The following LCORL variants were observed in gnomAD, a reference collection of about 807,000 sequenced individuals.
LCORL encodes ligand dependent nuclear receptor corepressor like, also known as ligand-dependent nuclear receptor corepressor-like protein.
LCORL carries 41 observed loss-of-function variants against 141.8 expected under a neutral mutation model. The ratio of observed to expected loss-of-function variants is 0.29; its 90% CI spans 0.23 to 0.38. The LOEUF (loss-of-function observed/expected upper bound fraction) is 0.38, where lower values mean the gene tolerates loss of function less well. Among genes scored for constraint, LCORL ranks in the 10% least tolerant of loss-of-function variants. The pLI is 1.00. For synonymous variants in LCORL, 618 were observed against 694.1 expected (o/e 0.89, Z 1.72); for missense variants, 1,759 against 2,035.0 (o/e 0.86, Z 2.61).
intron 7 of LCORL, among the ~76,000 whole-genome samples, chr4:17,863,084 G>A (rs1333619786): frequency 6.6e-6 from 1 of 152,196 alleles, no homozygotes; most frequent in Non-Finnish European, 1.5e-5. Context: ...GGGAGGCTGA[G>A]GTGGGTGGAT....
intron 4 of LCORL, among the ~76,000 whole-genome samples, chr4:17,957,961 TAAAAG>T (rs1006383758): frequency 2.6e-5 from 4 of 151,904 alleles, no homozygotes; most frequent in African/African-American, 9.7e-5. Context: ...AAAAGCACTC[TAAAAG>T]ATTAACACTA....
intron 1 of LCORL, among the ~76,000 whole-genome samples, chr4:18,018,314 C>T (rs369354439): frequency 6.6e-5 from 10 of 152,038 alleles, no homozygotes; most frequent in Admixed American, 4.6e-4. Context: ...AATAAGCACT[C>T]GAACATTTGT....
intron 2 of LCORL, among the ~76,000 whole-genome samples, chr4:17,968,617 A>C (rs752611732): frequency 3.3e-5 from 5 of 152,202 alleles, no homozygotes; most frequent in Non-Finnish European, 7.3e-5. Flanking sequence ...CCTTTTCCAT[A>C]AACAGCCAAA....
chr4:17,873,991 T>A, exon 7 of LCORL: 1 of 1,234,178 alleles, frequency 8.1e-7, no homozygotes, highest in African/African-American at 1.5e-5. Context: ...AAGTCACCCC[T>A]GATCTCAGGT....
chr4:17,915,738 G>A (rs1165020356), intron 4 of LCORL, among the ~76,000 whole-genome samples: 1 of 152,150 alleles, frequency 6.6e-6, no homozygotes, highest in Non-Finnish European at 1.5e-5. Flanking sequence ...CCAATGAATT[G>A]GATGATCTAT....
chr4:17,900,529 A>C (rs1250223774), intron 5 of LCORL, among the ~76,000 whole-genome samples: 1 of 152,174 alleles, frequency 6.6e-6, no homozygotes, highest in African/African-American at 2.4e-5. Flanking sequence ...ATAACCTCTC[A>C]GTCACTTTTG....
chr4:17,900,014 G>A (rs1433603912), intron 5 of LCORL, among the ~76,000 whole-genome samples: 1 of 152,042 alleles, frequency 6.6e-6, no homozygotes, highest in Non-Finnish European at 1.5e-5. Flanking sequence ...AAGCATTTCA[G>A]ATAAAGAATA....
chr4:17,948,816 G>A (rs1739281850), intron 4 of LCORL, among the ~76,000 whole-genome samples: 1 of 149,630 alleles, frequency 6.7e-6, no homozygotes, highest in Non-Finnish European at 1.5e-5. Context: ...ATTTTCAGAG[G>A]AGTAAAGAGA....
chr4:17,878,898 A>T (rs1727206326), intron 6 of LCORL, among the ~76,000 whole-genome samples: 1 of 151,310 alleles, frequency 6.6e-6, no homozygotes, highest in South Asian at 2.1e-4. Flanking sequence ...ACTAATATAC[A>T]TCTAACTTTA....
At chr4:17,902,537 G>A (rs957349128) in intron 5 of LCORL, among the ~76,000 whole-genome samples, 2 of 152,084 alleles carry the variant, frequency 1.3e-5, no homozygotes, top group African/African-American at 4.8e-5. Context: ...ACTGTTTAGT[G>A]ATTTCCAAAC....
At chr4:17,881,356 G>A (rs1727550826) in intron 6 of LCORL, 1 of 981,382 alleles carries the variant, frequency 1.0e-6, no homozygotes, top group Non-Finnish European at 1.2e-6. Flanking sequence ...TCACTGGGGA[G>A]AAGGGGAATT....
intron 6 of LCORL, chr4:17,881,051 T>A (rs983544537): frequency 1.0e-6 from 1 of 979,464 alleles, no homozygotes; most frequent in Admixed American, 6.2e-5. Flanking sequence ...TCACTAAAGT[T>A]AGTATACAAT....
intron 1 of LCORL, among the ~76,000 whole-genome samples, chr4:17,983,674 T>C (rs143540889): frequency 5.3e-4 from 80 of 152,284 alleles, no homozygotes; most frequent in African/African-American, 1.8e-3. Flanking sequence ...GCTGAGACTA[T>C]GGGGTTTTCT....
intron 4 of LCORL, among the ~76,000 whole-genome samples, chr4:17,953,889 C>T (rs1034857384): frequency 1.3e-5 from 2 of 151,966 alleles, no homozygotes; most frequent in South Asian, 2.1e-4. Flanking sequence ...GAGGGCCAGG[C>T]GCGGTGGCTC....
exon 8 of LCORL, chr4:17,842,439 A>G: frequency 7.3e-7 from 1 of 1,367,340 alleles, no homozygotes; most frequent in Non-Finnish European, 1.0e-6. Flanking sequence ...TTCTACAAGT[A>G]GAAAAAAACT....
chr4:17,935,915 G>C (rs1736778534), intron 4 of LCORL, among the ~76,000 whole-genome samples: 2 of 152,060 alleles, frequency 1.3e-5, no homozygotes, highest in African/African-American at 4.8e-5. Context: ...AGCAATTTTG[G>C]AATTAAATCC....
intron 1 of LCORL, among the ~76,000 whole-genome samples, chr4:18,010,241 C>T (rs11936089): frequency 0.099 from 11,696 of 118,412 alleles, 1,530 homozygotes; most frequent in African/African-American, 0.31. Context: ...ATGCATTTTA[C>T]TTAAGTATCT....
intron 4 of LCORL, among the ~76,000 whole-genome samples, chr4:17,924,775 T>A (rs552050561): frequency 6.6e-6 from 1 of 152,272 alleles, no homozygotes; most frequent in Admixed American, 6.5e-5. Context: ...ATGTTCCCCA[T>A]CATCATGAAG....
intron 1 of LCORL, among the ~76,000 whole-genome samples, chr4:18,020,360 A>G (rs1725308163): frequency 6.6e-6 from 1 of 152,000 alleles, no homozygotes; most frequent in African/African-American, 2.4e-5. Flanking sequence ...AAATGCCAAG[A>G]TTCACTCGCC....
Sources: gnomAD v4.1 joint callset for allele counts (sites outside exome capture counted in the v4.1 genomes callset) on GRCh38, gnomAD v4.1.1 for gene constraint, MANE v1.5 for transcripts, NCBI Gene and HGNC (gene_info 2026-07-23, HGNC 2026-07-21) for gene names.